CLEC11A: variants seen among roughly 807,000 people sequenced by gnomAD.
CLEC11A encodes the protein C-type lectin domain family 11 member A.
CLEC11A carries 35 observed loss-of-function variants against 33.9 expected under a neutral mutation model. The observed-to-expected ratio is 1.03, with a 90% CI of 0.79 to 1.37. The LOEUF (loss-of-function observed/expected upper bound fraction) is 1.37. CLEC11A is among the 40% of genes most tolerant of loss of function. The pLI, the probability that CLEC11A is intolerant of heterozygous loss-of-function variation, is 0.00. For missense variants in CLEC11A, 519 were observed against 455.5 expected (o/e 1.14, Z -1.27); for synonymous variants, 220 against 202.2 (o/e 1.09, Z -0.75).
At position 50,723,463 on chromosome 19, in the gene CLEC11A, G is replaced by T; in HGVS notation, c.-63G>T. ...GCAGGGGCACTCGGCAGTTCCCAGA[G>T]GCCACCCCTCCCACCCCAGACATCC... On this transcript the variant is annotated 5_prime_UTR_variant, in exon 1 of 4. The change creates a new upstream start codon in the 5' untranslated region. Transcript: ENST00000250340. The surrounding 1 kb of genome is among the most constrained non-coding windows in gnomAD (Gnocchi z 4.1). 1 of 1,595,282 alleles carries T rather than the reference G, an allele frequency of 6.3e-7. No homozygotes were observed. Among genetic ancestry groups the T allele is most frequent in the Admixed American group, 1.7e-5 (1 of 59,548 alleles).
Position 50,725,356 on chromosome 19 carries a change from G to C in CLEC11A, c.861G>C (p.Gln287His), listed in dbSNP as rs1478699101. 1 of 1,612,192 alleles carries C rather than the reference G, an allele frequency of 6.2e-7. No individual in the cohort carries two copies. Among genetic ancestry groups the C allele is most frequent in the African/African-American group, 1.3e-5 (1 of 75,040 alleles). ...CGCCGCATCCGCTCAGCCCGGACCAGCCCAACGGTGGCACGCTCGAGAACT... is the reference window on the plus strand; with the variant it reads ...CGCCGCATCCGCTCAGCCCGGACCACCCCAACGGTGGCACGCTCGAGAACT... ...SASPHPLSPD[Q>H]PNGGTLENCV... The change falls in exon 4 of 4, where the codon CAG (glutamine) becomes CAC (histidine). Residue 287 changes from glutamine to histidine, a missense_variant. Physicochemically the swap from Gln to His is conservative, Grantham distance 24. Transcript: ENST00000250340.
Position 50,724,381 on chromosome 19 carries a change from C to G in CLEC11A, c.335-29C>G, listed in dbSNP as rs747948028. The G allele has an allele frequency of 6.8e-7, 1 of 1,479,596 alleles. No individual in the cohort carries two copies. The highest frequency in any genetic ancestry group is 2.5e-5 in the East Asian group (1 of 40,316). 91.7% of individuals were successfully genotyped at this position (1,479,596 alleles called of 1,614,324 possible). A position where few individuals can be genotyped will look rare whatever the true frequency, so the allele number is the denominator to read the frequency against. ...CCCCCCGCTGCATCTCCAGGCTCCC[C>G]CTCCAGCATGATCCCTGTCTGTCCG... On this transcript the variant is annotated intron_variant, in intron 2 of 3. Transcript: ENST00000250340. This position sits in a 1 kb window ranked among gnomAD's most constrained non-coding sequence, Gnocchi z 4.1.
In CLEC11A at chr19:50,725,642, A is replaced by G; in HGVS notation, c.*175A>G. Reference sequence around the variant, plus strand: ...TGCGGTGCCGGCACTCCTCCTTGTTAGTGTCTTTCCTTGAAGGGGCGGGCA... The same window carrying G: ...TGCGGTGCCGGCACTCCTCCTTGTTGGTGTCTTTCCTTGAAGGGGCGGGCA... On this transcript the variant is annotated 3_prime_UTR_variant, in exon 4 of 4. Coordinates refer to ENST00000250340, the MANE Select transcript of CLEC11A (RefSeq NM_002975.3). The G allele has an allele frequency of 8.3e-7, 1 of 1,199,272 alleles. No individual in the cohort carries two copies. The highest frequency in any genetic ancestry group is 1.1e-6 in the Non-Finnish European group (1 of 884,080). The allele number at this position is 1,199,272 out of a possible 1,614,324, so 74.3% of individuals were successfully genotyped here.
rs370950438 is a variant in CLEC11A at position 50,725,314 on chromosome 19, C to T, written c.819C>T (p.Gly273=). The T allele has an allele frequency of 6.2e-6, 10 of 1,611,924 alleles. No individual in the cohort carries two copies. The highest frequency in any genetic ancestry group is 2.5e-6 in the Non-Finnish European group (3 of 1,179,406). ...AWHRSPRPEL[G]AQPSASPHPL... ...ATCGCTCACCCCGCCCCGAGCTCGG[C>T]GCCCAGCCCAGCGCCTCGCCGCATC... The change falls in exon 4 of 4, where the codon GGC becomes GGT. Residue 273 remains glycine, a synonymous_variant. Transcript: ENST00000250340.
rs1489674478 is a variant in CLEC11A, at chr19:50,725,245, C to G, written c.750C>G (p.Leu250=). The G allele has an allele frequency of 1.2e-6, 2 of 1,609,082 alleles. No individual in the cohort carries two copies. Among genetic ancestry groups the G allele is most frequent in the Non-Finnish European group, 1.7e-6 (2 of 1,178,236 alleles). Residue 250 remains leucine (L), a synonymous_variant, in exon 4 of 4, where the codon CTC becomes CTG. Transcript: ENST00000250340. The part of the protein sequence containing the change: ...LGVHDRRAEG[L]YLFENGQRVS... ...TGCACGATCGGCGCGCCGAGGGCCT[C>G]TACCTCTTCGAAAACGGCCAGCGCG...
Position 50,725,105 on chromosome 19 carries a change from T to G in CLEC11A, c.610T>G (p.Cys204Gly). 6.5e-7 allele frequency: 1 copy of G among 1,533,144 alleles called. No homozygotes were observed. Among genetic ancestry groups the G allele is most frequent in the Non-Finnish European group, 8.8e-7 (1 of 1,141,210 alleles). The allele number at this position is 1,533,144 out of a possible 1,614,324, so 95.0% of individuals were successfully genotyped here. A position where few individuals can be genotyped will look rare whatever the true frequency, so the allele number is the denominator to read the frequency against. The change falls in exon 4 of 4, where the codon TGC (cysteine) becomes GGC (glycine). Residue 204 changes from cysteine (C) to glycine (G), a missense_variant. Transcript: ENST00000250340. The part of the protein sequence containing the change: ...FEAQAAAQAR[C>G]TARGGSLAQP... Reference sequence around the variant, plus strand: ...AGCTCAGGCGGCGGCGCAGGCGCGGTGCACGGCGCGGGGCGGGAGCCTGGC... The same window carrying G: ...AGCTCAGGCGGCGGCGCAGGCGCGGGGCACGGCGCGGGGCGGGAGCCTGGC...
At position 50,723,983 on chromosome 19, in the gene CLEC11A, T is replaced by C. The variant is rs760525115; in HGVS notation, c.226T>C (p.Trp76Arg). ...PAGTVEGKED[W>R]EMEEDQGEEE... ...CGGAACTGTTGAGGGAAAAGAGGACTGGGAGATGGAGGAGGACCAGGGGGA... is the reference window on the plus strand; with the variant it reads ...CGGAACTGTTGAGGGAAAAGAGGACCGGGAGATGGAGGAGGACCAGGGGGA... Residue 76 changes from tryptophan to arginine, a missense_variant, in exon 2 of 4, where the codon TGG becomes CGG. Coordinates refer to ENST00000250340, the MANE Select transcript of CLEC11A (RefSeq NM_002975.3). This position sits in a 1 kb window ranked among gnomAD's most constrained non-coding sequence, Gnocchi z 4.1. 5.0e-6 allele frequency: 8 copies of C among 1,613,110 alleles called. No homozygotes were observed. In the East Asian group the frequency reaches 1.8e-4, roughly 36 times the overall value.
In CLEC11A at chr19:50,724,000, C is replaced by A. The variant is rs1398831709; in HGVS notation, c.243C>A (p.Asp81Glu). ...EGKEDWEMEE[D>E]QGEEEEEEAT... is the part of the protein sequence containing the mutation. ...AAGAGGACTGGGAGATGGAGGAGGA[C>A]CAGGGGGAGGAAGAGGAGGAGGAAG... The change falls in exon 2 of 4, where the codon GAC (aspartate) becomes GAA (glutamate). Residue 81 changes from aspartate to glutamate, a missense_variant. Coordinates refer to ENST00000250340, the MANE Select transcript of CLEC11A (RefSeq NM_002975.3). This position sits in a 1 kb window ranked among gnomAD's most constrained non-coding sequence, Gnocchi z 4.1. 6.2e-7 allele frequency: 1 copy of A among 1,612,588 alleles called. No homozygotes were observed. The highest frequency in any genetic ancestry group is 8.5e-7 in the Non-Finnish European group (1 of 1,178,892).
rs769240488 is a variant in CLEC11A at position 50,725,239 on chromosome 19, G to A, written c.744G>A (p.Glu248=). 86 of 1,606,744 alleles carry A rather than the reference G, an allele frequency of 5.4e-5. No homozygotes were observed. The highest frequency in any genetic ancestry group is 7.1e-5 in the Non-Finnish European group (84 of 1,177,256). ...TGGGCGTGCACGATCGGCGCGCCGA[G>A]GGCCTCTACCTCTTCGAAAACGGCC... is the stretch of plus-strand genomic sequence containing the variant. The part of the protein sequence containing the change: ...VWLGVHDRRA[E]GLYLFENGQR... Residue 248 remains glutamate, a synonymous_variant, in exon 4 of 4, where the codon GAG becomes GAA. Coordinates refer to ENST00000250340, the MANE Select transcript of CLEC11A (RefSeq NM_002975.3).
Position 50,724,714 on chromosome 19 carries a change from G to T in CLEC11A, c.526+113G>T, listed in dbSNP as rs2089169720. ...GGCGGGAGAGTTCGGGAGAGCTGCT[G>T]TGTGCTAGCGGACGGGGTTAGAGAG... On this transcript the variant is annotated intron_variant, in intron 3 of 3. Coordinates refer to ENST00000250340, the MANE Select transcript of CLEC11A (RefSeq NM_002975.3). The surrounding 1 kb of genome is among the most constrained non-coding windows in gnomAD (Gnocchi z 4.1). 4 of 1,225,894 alleles carry T rather than the reference G, an allele frequency of 3.3e-6. No individual in the cohort carries two copies. Among genetic ancestry groups the T allele is most frequent in the Non-Finnish European group, 3.2e-6 (3 of 935,196 alleles). The allele number at this position is 1,225,894 out of a possible 1,614,324, so 75.9% of individuals were successfully genotyped here.
Position 50,723,797 on chromosome 19 carries a change from G to T in CLEC11A, c.148-108G>T. On this transcript the variant is annotated intron_variant, in intron 1 of 3. Coordinates refer to ENST00000250340, the MANE Select transcript of CLEC11A (RefSeq NM_002975.3). This position sits in a 1 kb window ranked among gnomAD's most constrained non-coding sequence, Gnocchi z 4.1. ...AGTCTCAGAGGAGTGGGAGGGTGAT[G>T]GGCTCAGAGACAGGACTCAGGCAGC... The T allele has an allele frequency of 6.5e-7, 1 of 1,529,338 alleles. No individual in the cohort carries two copies. Among genetic ancestry groups the T allele is most frequent in the South Asian group, 1.3e-5 (1 of 77,916 alleles). 94.7% of individuals were successfully genotyped at this position (1,529,338 alleles called of 1,614,324 possible).
In CLEC11A at chr19:50,724,136, G is replaced by T. The variant is rs758516738; in HGVS notation, c.334+45G>T. The T allele has an allele frequency of 3.7e-6, 6 of 1,602,964 alleles. No individual in the cohort carries two copies. The highest frequency in any genetic ancestry group is 1.4e-5 in the African/African-American group (1 of 73,786). On this transcript the variant is annotated intron_variant, in intron 2 of 3. Coordinates refer to ENST00000250340, the MANE Select transcript of CLEC11A (RefSeq NM_002975.3). This position sits in a 1 kb window ranked among gnomAD's most constrained non-coding sequence, Gnocchi z 4.1. ...CACCCCCAAACTCCTAGGCCGCCGC[G>T]GTCACTTTCGCAAAAATGAAGGGTC...
rs1222838408 is a variant in CLEC11A at position 50,725,300 on chromosome 19, C to T, written c.805C>T (p.Arg269Cys). ...CTTCTTCGCCTGGCATCGCTCACCC[C>T]GCCCCGAGCTCGGCGCCCAGCCCAG... is the stretch of plus-strand genomic sequence containing the variant. ...VSFFAWHRSP[R>C]PELGAQPSAS... is the part of the protein sequence containing the mutation. Residue 269 changes from arginine to cysteine, a missense_variant, in exon 4 of 4, where the codon CGC becomes TGC. Arg to Cys is a radical substitution (Grantham distance 180, BLOSUM62 -3). Coordinates refer to ENST00000250340, the MANE Select transcript of CLEC11A (RefSeq NM_002975.3). The T allele has an allele frequency of 1.2e-6, 2 of 1,611,976 alleles. No individual in the cohort carries two copies. Among genetic ancestry groups the T allele is most frequent in the South Asian group, 1.1e-5 (1 of 90,978 alleles).
chr19:50,725,625 C>G lies in CLEC11A; in HGVS notation c.*158C>G. 3 of 1,289,960 alleles carry G rather than the reference C, an allele frequency of 2.3e-6. No homozygotes were observed. Among genetic ancestry groups the G allele is most frequent in the South Asian group, 1.6e-5 (1 of 63,326 alleles). The allele number at this position is 1,289,960 out of a possible 1,614,324, so 79.9% of individuals were successfully genotyped here. A position where few individuals can be genotyped will look rare whatever the true frequency, so the allele number is the denominator to read the frequency against. On this transcript the variant is annotated 3_prime_UTR_variant, in exon 4 of 4. Coordinates refer to ENST00000250340, the MANE Select transcript of CLEC11A (RefSeq NM_002975.3). ...GCTTCTGGGAGGGCTCTTGCGGTGC[C>G]GGCACTCCTCCTTGTTAGTGTCTTT... is the stretch of plus-strand genomic sequence containing the variant.
chr19:50,725,427 GC>G lies in CLEC11A; in HGVS notation c.934del (p.Gln312SerfsTer93), dbSNP rs781692906. ...GACGGCTCCTGGTGGGACCACGACT[GC>G]CAGCGGCGTCTCTACTACGTCTGCG... ...SDDGSWWDHD[C>X]QRRLYYVCEF... On this transcript the variant is annotated frameshift_variant, in exon 4 of 4. Transcript: ENST00000250340. LOFTEE classifies it high-confidence loss of function. 2.2e-5 allele frequency: 36 copies of G among 1,610,310 alleles called. 1 individual carries two copies. The highest frequency in any genetic ancestry group is 2.8e-5 in the Non-Finnish European group (33 of 1,178,668).
In CLEC11A at chr19:50,725,483, G is replaced by C. The variant is rs758081367; in HGVS notation, c.*16G>C. On this transcript the variant is annotated 3_prime_UTR_variant, in exon 4 of 4. Transcript: ENST00000250340. ...CCCCTTCTAGCGGGGCCGGTACCCC[G>C]CCTCCCTGCCCATCCCACCACCCGG... 1 of 1,568,498 alleles carries C rather than the reference G, an allele frequency of 6.4e-7. No individual in the cohort carries two copies. Among genetic ancestry groups the C allele is most frequent in the Admixed American group, 1.8e-5 (1 of 55,294 alleles).
chr19:50,723,762 C>T lies in CLEC11A; in HGVS notation c.147+90C>T, dbSNP rs1568449585. 5.2e-6 allele frequency: 8 copies of T among 1,526,618 alleles called. No individual in the cohort carries two copies. In the South Asian group the frequency reaches 7.8e-5, roughly 15 times the overall value. 94.6% of individuals were successfully genotyped at this position (1,526,618 alleles called of 1,614,324 possible). Reference sequence around the variant, plus strand: ...GGTTAGGGAAATGGACAATGAGGAGCGATTGGGATAGTCTCAGAGGAGTGG... The same window carrying T: ...GGTTAGGGAAATGGACAATGAGGAGTGATTGGGATAGTCTCAGAGGAGTGG... On this transcript the variant is annotated intron_variant, in intron 1 of 3. Coordinates refer to ENST00000250340, the MANE Select transcript of CLEC11A (RefSeq NM_002975.3). This position sits in a 1 kb window ranked among gnomAD's most constrained non-coding sequence, Gnocchi z 4.1.
At position 50,724,319 on chromosome 19, in the gene CLEC11A, T is replaced by G; in HGVS notation, c.335-91T>G. The G allele has an allele frequency of 1.2e-4, 60 of 488,572 alleles. No homozygotes were observed. The highest frequency in any genetic ancestry group is 1.7e-4 in the Non-Finnish European group (55 of 331,402). The allele number at this position is 488,572 out of a possible 1,614,324, so 30.3% of individuals were successfully genotyped here. ...TGCCCCCCCCACCGCCACCCCGCCCTCAGGAGCCCTAGATCCCAGTTCTCC... is the reference window on the plus strand; with the variant it reads ...TGCCCCCCCCACCGCCACCCCGCCCGCAGGAGCCCTAGATCCCAGTTCTCC... On this transcript the variant is annotated intron_variant, in intron 2 of 3. Transcript: ENST00000250340. This position sits in a 1 kb window ranked among gnomAD's most constrained non-coding sequence, Gnocchi z 4.1.
At position 50,724,365 on chromosome 19, in the gene CLEC11A, G is replaced by C. The variant is rs959448669; in HGVS notation, c.335-45G>C. On this transcript the variant is annotated intron_variant, in intron 2 of 3. Coordinates refer to ENST00000250340, the MANE Select transcript of CLEC11A (RefSeq NM_002975.3). This position sits in a 1 kb window ranked among gnomAD's most constrained non-coding sequence, Gnocchi z 4.1. ...TCTCCAGGTCCTCAGGCCCCCCGCT[G>C]CATCTCCAGGCTCCCCCTCCAGCAT... 1 of 1,445,604 alleles carries C rather than the reference G, an allele frequency of 6.9e-7. No homozygotes were observed. Among genetic ancestry groups the C allele is most frequent in the African/African-American group, 1.4e-5 (1 of 69,372 alleles). The allele number at this position is 1,445,604 out of a possible 1,614,324, so 89.5% of individuals were successfully genotyped here. A position where few individuals can be genotyped will look rare whatever the true frequency, so the allele number is the denominator to read the frequency against.
Sources: gnomAD v4.1 joint callset for allele counts on GRCh38, gnomAD v4.1.1 for gene constraint, Gnocchi (gnomAD v3.1) non-coding constraint, MANE v1.5 for transcripts, NCBI Gene and HGNC (gene_info 2026-07-23, HGNC 2026-07-21) for gene names.